PIP5K1B: variants seen among roughly 807,000 people sequenced by gnomAD.
PIP5K1B encodes phosphatidylinositol-4-phosphate 5-kinase type 1 beta, also known as phosphatidylinositol 4-phosphate 5-kinase type-1 beta.
In PIP5K1B, 42 loss-of-function variants were observed where a neutral mutation model predicts 67.0. The ratio of observed to expected loss-of-function variants is 0.63; its 90% CI spans 0.49 to 0.81. The LOEUF (loss-of-function observed/expected upper bound fraction) is 0.81, where lower values mean the gene tolerates loss of function less well. PIP5K1B is among the 30% of genes least tolerant of loss of function. The pLI is 0.00. For synonymous variants in PIP5K1B, 214 were observed against 231.4 expected (o/e 0.92, Z 0.68); for missense variants, 459 against 646.3 (o/e 0.71, Z 3.14).
intron 14 of PIP5K1B, among the ~76,000 whole-genome samples, chr9:68,980,319 C>G (rs1829836261): frequency 6.6e-6 from 1 of 152,210 alleles, no homozygotes; most frequent in Admixed American, 6.5e-5. Context: ...GGCTCTGGTA[C>G]TAAACAAGTC....
chr9:68,708,680 A>C (rs1827243901), intron 1 of PIP5K1B, among the ~76,000 whole-genome samples: 1 of 152,114 alleles, frequency 6.6e-6, no homozygotes, highest in Non-Finnish European at 1.5e-5. Context: ...GTATTGAATA[A>C]ATTTCAGGAG....
chr9:68,741,738 C>T (rs1829020048), intron 1 of PIP5K1B: 1 of 152,214 alleles, frequency 6.6e-6, no homozygotes, highest in Non-Finnish European at 1.5e-5. Context: ...TTCTCCACGC[C>T]TCACCTCTTC....
At chr9:68,720,240 G>A (rs1827823503) in intron 1 of PIP5K1B, among the ~76,000 whole-genome samples, 1 of 152,098 alleles carries the variant, frequency 6.6e-6, no homozygotes, top group Non-Finnish European at 1.5e-5. Context: ...ATCTAGCCTT[G>A]CCACTGCTTC....
intron 11 of PIP5K1B, among the ~76,000 whole-genome samples, chr9:68,920,359 CTTTTTT>C (rs5898051): frequency 6.1e-5 from 6 of 98,372 alleles, no homozygotes; most frequent in African/African-American, 1.5e-4. Context: ...CTGAGGTTGT[CTTTTTT>C]TTTTTTTTTT....
At chr9:68,886,130 G>C (rs1824460211) in intron 6 of PIP5K1B, among the ~76,000 whole-genome samples, 1 of 151,844 alleles carries the variant, frequency 6.6e-6, no homozygotes, top group South Asian at 2.1e-4. Flanking sequence ...AGTGAGCCGA[G>C]ATTGTACCAC....
chr9:68,949,222 G>A (rs1827942357), intron 14 of PIP5K1B, among the ~76,000 whole-genome samples: 2 of 152,156 alleles, frequency 1.3e-5, no homozygotes, highest in Non-Finnish European at 2.9e-5. Flanking sequence ...TGCTGGTAGT[G>A]GATGTACCTT....
intron 6 of PIP5K1B, among the ~76,000 whole-genome samples, chr9:68,879,220 G>A (rs926154274): frequency 3.3e-5 from 5 of 152,308 alleles, no homozygotes; most frequent in Middle Eastern, 3.4e-3. Flanking sequence ...GAAATGGTTT[G>A]ATATCTGGGA....
At chr9:68,861,695 C>A (rs1041210167) in intron 4 of PIP5K1B, among the ~76,000 whole-genome samples, 1 of 152,120 alleles carries the variant, frequency 6.6e-6, no homozygotes, top group South Asian at 2.1e-4. Flanking sequence ...GCTTATGTCA[C>A]GTCTTGTGCC....
At chr9:69,004,327 G>A (rs1328664000) in intron 15 of PIP5K1B, among the ~76,000 whole-genome samples, 1 of 105,960 alleles carries the variant, frequency 9.4e-6, no homozygotes, top group Non-Finnish European at 2.0e-5. Context: ...GGGCGTGTGT[G>A]TGTGTGTTTT....
intron 4 of PIP5K1B, among the ~76,000 whole-genome samples, chr9:68,850,061 C>T (rs1822405685): frequency 6.6e-6 from 1 of 152,194 alleles, no homozygotes; most frequent in Admixed American, 6.5e-5. Flanking sequence ...GCATGAAGTG[C>T]AGAGGTCATT....
At chr9:68,784,913 A>G (rs1036475093) in intron 2 of PIP5K1B, among the ~76,000 whole-genome samples, 4 of 152,138 alleles carry the variant, frequency 2.6e-5, no homozygotes, top group Admixed American at 1.3e-4. Context: ...TGAAAAGTAG[A>G]ATTTGTTTCT....
chr9:68,906,724 C>T (rs568607365), intron 8 of PIP5K1B, among the ~76,000 whole-genome samples: 3 of 152,172 alleles, frequency 2.0e-5, no homozygotes, highest in African/African-American at 7.2e-5. Context: ...ACACAAAGAC[C>T]TCATTTGTAA....
intron 12 of PIP5K1B, among the ~76,000 whole-genome samples, chr9:68,932,978 T>A (rs1827075003): frequency 6.6e-6 from 1 of 151,746 alleles, no homozygotes; most frequent in African/African-American, 2.4e-5. Context: ...CGCATGCCTG[T>A]AATCCCAGCT....
rs371124456 is a variant in PIP5K1B, at chr9:68,770,570, C to T, written c.-86+27913C>T. On this transcript the variant is annotated intron_variant, in intron 2 of 15. Transcript: ENST00000265382. ...CTGTAAGGAACCAGGCCACACAGCA[C>T]GAGGTGAGCAGCAGGCCAGTGAGTC... Among the ~76,000 whole-genome samples the T allele has an allele frequency of 1.1e-4, 17 of 152,288 alleles. 1 individual carries two copies. In the East Asian group the frequency reaches 2.9e-3, roughly 26 times the overall value.
At chr9:68,963,259 T>C (rs147156537) in intron 14 of PIP5K1B, 2 of 455,486 alleles carry the variant, frequency 4.4e-6, no homozygotes, top group African/African-American at 4.0e-5. Flanking sequence ...TCCCAGCACT[T>C]TGCGAGGCCG....
At chr9:68,997,642 G>T (rs1210385491) in intron 15 of PIP5K1B, among the ~76,000 whole-genome samples, 1 of 152,120 alleles carries the variant, frequency 6.6e-6, no homozygotes. Flanking sequence ...GAAATGCTTG[G>T]CCCCTAAGTT....
intron 14 of PIP5K1B, among the ~76,000 whole-genome samples, chr9:68,982,617 T>C (rs549799983): frequency 1.6e-4 from 24 of 151,974 alleles, no homozygotes; most frequent in Non-Finnish European, 2.6e-4. Flanking sequence ...AAAAAAGTAG[T>C]TGGGCATGGT....
At chr9:68,725,584 C>G (rs1828111618) in intron 1 of PIP5K1B, among the ~76,000 whole-genome samples, 1 of 152,156 alleles carries the variant, frequency 6.6e-6, no homozygotes, top group Admixed American at 6.6e-5. Context: ...TCTCCCATCA[C>G]TAAGGCCAAA....
intron 7 of PIP5K1B, among the ~76,000 whole-genome samples, chr9:68,893,567 C>T (rs1824922906): frequency 6.6e-6 from 1 of 151,938 alleles, no homozygotes; most frequent in Non-Finnish European, 1.5e-5. Flanking sequence ...CTCCTGACCT[C>T]GTGATCCACC....
Sources: gnomAD v4.1 joint callset for allele counts (sites outside exome capture counted in the v4.1 genomes callset) on GRCh38, gnomAD v4.1.1 for gene constraint, MANE v1.5 for transcripts, NCBI Gene and HGNC (gene_info 2026-07-23, HGNC 2026-07-21) for gene names.